Variants in PLXNA2 observed in about 807,000 individuals in gnomAD.
PLXNA2 encodes the protein plexin A2, also known as plexin-A2.
In PLXNA2, 91 loss-of-function variants were observed where a neutral mutation model predicts 193.5. The observed-to-expected ratio is 0.47, with a 90% CI of 0.40 to 0.56. PLXNA2 has a LOEUF of 0.56. Among genes scored for constraint, PLXNA2 ranks in the 20% least tolerant of loss-of-function variants. PLXNA2 has a pLI of 0.00. For missense variants in PLXNA2, 1,995 were observed against 2,503.2 expected (o/e 0.80, Z 4.33); for synonymous variants, 997 against 1,027.3 (o/e 0.97, Z 0.56).
intron 4 of PLXNA2, among the ~76,000 whole-genome samples, chr1:208,128,786 C>G (rs1438777047): frequency 6.7e-5 from 10 of 150,202 alleles, no homozygotes. Context: ...CCTGCAAGCT[C>G]CATCTCCAGG....
chr1:208,116,013 C>T (rs780427000), intron 4 of PLXNA2, among the ~76,000 whole-genome samples: 8 of 152,232 alleles, frequency 5.3e-5, no homozygotes, highest in Admixed American at 1.3e-4. Flanking sequence ...CCCAGGCTGA[C>T]GTTTCCACTC....
In PLXNA2 at chr1:208,031,700, C is replaced by G. The variant is rs201015477; in HGVS notation, c.5115G>C (p.Arg1705=). ...TGATGGCCAGGGGGAGAGCGCTGCCCCGGTGCACAGTGCTGAACAAGGTCT... is the reference window on the plus strand; with the variant it reads ...TGATGGCCAGGGGGAGAGCGCTGCCGCGGTGCACAGTGCTGAACAAGGTCT... The part of the protein sequence containing the change: ...LFETLFSTVH[R]GSALPLAIKY... Residue 1705 remains arginine, a synonymous_variant, in exon 29 of 32, where the codon CGG becomes CGC. Coordinates refer to ENST00000367033, the MANE Select transcript of PLXNA2 (RefSeq NM_025179.4). 4.3e-6 allele frequency: 7 copies of G among 1,613,398 alleles called. No homozygotes were observed. Among genetic ancestry groups the G allele is most frequent in the Non-Finnish European group, 5.1e-6 (6 of 1,179,896 alleles).
chr1:208,223,112 C>CT (rs2102624099), intron 1 of PLXNA2, among the ~76,000 whole-genome samples: 1 of 152,166 alleles, frequency 6.6e-6, no homozygotes, highest in East Asian at 1.9e-4. Flanking sequence ...GTCACTTAGC[C>CT]TCCTTCCTTT....
chr1:208,194,977 G>A (rs111356838), intron 3 of PLXNA2, among the ~76,000 whole-genome samples: 1 of 152,152 alleles, frequency 6.6e-6, no homozygotes, highest in Non-Finnish European at 1.5e-5. Context: ...CAGAGTCCAC[G>A]CTGAAGTTTT....
intron 3 of PLXNA2, among the ~76,000 whole-genome samples, chr1:208,148,677 G>A (rs1442347990): frequency 1.3e-5 from 2 of 152,200 alleles, no homozygotes; most frequent in Admixed American, 6.5e-5. Context: ...CAGGAAGCCC[G>A]GTGATGGGGA....
At chr1:208,189,504 T>C (rs1465638792) in intron 3 of PLXNA2, among the ~76,000 whole-genome samples, 2 of 120,006 alleles carry the variant, frequency 1.7e-5, no homozygotes, top group African/African-American at 3.2e-5. Context: ...TGAGAAGAGA[T>C]AAAGAGAAAA....
At chr1:208,115,396 G>A (rs1329635211) in intron 4 of PLXNA2, among the ~76,000 whole-genome samples, 7 of 152,230 alleles carry the variant, frequency 4.6e-5, no homozygotes, top group East Asian at 1.9e-4. Context: ...ATATATATAA[G>A]TTGTATAAAA....
intron 4 of PLXNA2, among the ~76,000 whole-genome samples, chr1:208,134,131 C>A (rs899121918): frequency 2.0e-5 from 3 of 152,150 alleles, no homozygotes; most frequent in African/African-American, 7.2e-5. Context: ...CAAAGGATTT[C>A]AAAATAAGAG....
intron 4 of PLXNA2, among the ~76,000 whole-genome samples, chr1:208,111,677 T>C (rs1035615569): frequency 6.6e-6 from 1 of 152,212 alleles, no homozygotes; most frequent in African/African-American, 2.4e-5. Context: ...CTTAGGTTTT[T>C]CCTATGAATC....
chr1:208,044,461 A>G lies in PLXNA2; in HGVS notation c.3874+47T>C. 2 of 1,311,164 alleles carry G rather than the reference A, an allele frequency of 1.5e-6. No individual in the cohort carries two copies. The highest frequency in any genetic ancestry group is 2.2e-6 in the Non-Finnish European group (2 of 905,968). 81.2% of individuals were successfully genotyped at this position (1,311,164 alleles called of 1,614,324 possible). On this transcript the variant is annotated intron_variant, in intron 20 of 31. Coordinates refer to ENST00000367033, the MANE Select transcript of PLXNA2 (RefSeq NM_025179.4). This position sits in a 1 kb window ranked among gnomAD's most constrained non-coding sequence, Gnocchi z 4.9. ...TCTGCAGGGAGAAGGGCAATAAGGC[A>G]GGTGGAGAAAGAGGGACCCAGCAAA...
intron 3 of PLXNA2, among the ~76,000 whole-genome samples, chr1:208,195,236 T>C (rs1283886875): frequency 2.6e-5 from 4 of 152,188 alleles, no homozygotes; most frequent in Non-Finnish European, 5.9e-5. Flanking sequence ...GCTCACCTTC[T>C]CCTTCTGATT....
At chr1:208,067,833 C>A (rs1451557226) in intron 12 of PLXNA2, among the ~76,000 whole-genome samples, 1 of 152,124 alleles carries the variant, frequency 6.6e-6, no homozygotes, top group Non-Finnish European at 1.5e-5. Context: ...TACATGTGCT[C>A]GCTGGGAGAG....
At chr1:208,083,290 G>GAT (rs1166971001) in intron 10 of PLXNA2, among the ~76,000 whole-genome samples, 2 of 152,146 alleles carry the variant, frequency 1.3e-5, no homozygotes, top group African/African-American at 4.8e-5. Flanking sequence ...CTCTTGTGCT[G>GAT]ATCCCACAGA....
chr1:208,142,761 T>C (rs1668494241), intron 3 of PLXNA2, among the ~76,000 whole-genome samples: 2 of 152,236 alleles, frequency 1.3e-5, no homozygotes, highest in Admixed American at 1.3e-4. Context: ...TGCATGTACA[T>C]CTATTTATAG....
At chr1:208,043,000 T>G (rs1272144178) in intron 21 of PLXNA2, 61 bp downstream of exon 21, 1 of 1,577,686 alleles carries the variant, frequency 6.3e-7, no homozygotes, top group African/African-American at 1.3e-5. Flanking sequence ...CATCTGGATT[T>G]CCTAGGATAC....
At chr1:208,221,416 T>G (rs1671334239) in intron 1 of PLXNA2, among the ~76,000 whole-genome samples, 2 of 129,546 alleles carry the variant, frequency 1.5e-5, no homozygotes, top group East Asian at 2.6e-4. Flanking sequence ...TTCAGGCCAG[T>G]AGTTCTAAAC....
chr1:208,179,786 C>T (rs1233641754), intron 3 of PLXNA2, among the ~76,000 whole-genome samples: 1 of 152,152 alleles, frequency 6.6e-6, no homozygotes, highest in Non-Finnish European at 1.5e-5. Flanking sequence ...TCTCCTGCTG[C>T]CCAGGGAAGC....
chr1:208,055,774 G>A (rs1571868228), intron 13 of PLXNA2, among the ~76,000 whole-genome samples: 4 of 152,218 alleles, frequency 2.6e-5, no homozygotes, highest in Admixed American at 2.0e-4. Flanking sequence ...AAACAAATAC[G>A]CTGCATGCTC....
intron 3 of PLXNA2, among the ~76,000 whole-genome samples, chr1:208,157,650 C>G (rs994364864): frequency 6.6e-6 from 1 of 152,138 alleles, no homozygotes; most frequent in African/African-American, 2.4e-5. Flanking sequence ...TTCCACTGCA[C>G]TAATAAAAAT....
Sources: gnomAD v4.1 joint callset for allele counts (sites outside exome capture counted in the v4.1 genomes callset) on GRCh38, gnomAD v4.1.1 for gene constraint, Gnocchi (gnomAD v3.1) non-coding constraint, MANE v1.5 for transcripts, NCBI Gene and HGNC (gene_info 2026-07-23, HGNC 2026-07-21) for gene names.